KCNMB2: variants seen among roughly 807,000 people sequenced by gnomAD.
KCNMB2 encodes potassium calcium-activated channel subfamily M regulatory beta subunit 2, also known as calcium-activated potassium channel subunit beta-2.
In KCNMB2, 9 loss-of-function variants were observed where a neutral mutation model predicts 24.5. That is an observed-to-expected ratio of 0.37 (90% CI 0.22 to 0.64). KCNMB2 has a LOEUF of 0.64. KCNMB2 is among the 30% of genes least tolerant of loss of function. The probability of loss-of-function intolerance (pLI) is 0.63; values close to 1 mark genes in which losing one functional copy is unlikely to be tolerated. For missense variants in KCNMB2, 226 were observed against 284.3 expected, an observed-to-expected ratio of 0.79 and a Z score of 1.47; for synonymous variants, 109 against 104.4, an observed-to-expected ratio of 1.04 and a Z score of -0.27.
At chr3:178,834,701 A>G (rs1715162047) in intron 4 of KCNMB2, among the ~76,000 whole-genome samples, 1 of 152,172 alleles carries the variant, frequency 6.6e-6, no homozygotes, top group Admixed American at 6.5e-5. Context: ...GGCATTTGAC[A>G]TCCCATAATT....
At chr3:178,739,559 C>T (rs1270056534) in intron 1 of KCNMB2, among the ~76,000 whole-genome samples, 1 of 152,122 alleles carries the variant, frequency 6.6e-6, no homozygotes, top group Non-Finnish European at 1.5e-5. Flanking sequence ...GCAGATAGAA[C>T]TTAACAGGAT....
intron 3 of KCNMB2, among the ~76,000 whole-genome samples, chr3:178,826,594 C>T (rs567245181): frequency 6.6e-6 from 1 of 152,102 alleles, no homozygotes; most frequent in African/African-American, 2.4e-5. Context: ...TAAACACAGG[C>T]AAGCCCAGCC....
chr3:178,678,986 TTTGTTGTTGTTGTTGTCA>T (rs562634206), intron 1 of KCNMB2, among the ~76,000 whole-genome samples: 2,027 of 151,352 alleles, frequency 0.013, 35 homozygotes, highest in Non-Finnish European at 0.019. Flanking sequence ...CTATAATTGG[TTTGTTGTTGTTGTTGTCA>T]TTGTTGTTCA....
intron 1 of KCNMB2, among the ~76,000 whole-genome samples, chr3:178,659,777 T>G (rs901260269): frequency 6.6e-6 from 1 of 152,234 alleles, no homozygotes; most frequent in Non-Finnish European, 1.5e-5. Context: ...TGAGATAGTG[T>G]GTGTAGCACA....
chr3:178,551,290 T>C (rs183957158), intron 1 of KCNMB2, among the ~76,000 whole-genome samples: 5 of 152,340 alleles, frequency 3.3e-5, no homozygotes, highest in African/African-American at 1.2e-4. Flanking sequence ...TCTAAACTTA[T>C]CTCCTATTAT....
chr3:178,561,610 T>C (rs1470902863), intron 1 of KCNMB2, among the ~76,000 whole-genome samples: 1 of 152,204 alleles, frequency 6.6e-6, no homozygotes, highest in Non-Finnish European at 1.5e-5. Flanking sequence ...TAGTGCTGCA[T>C]TAGATTCCAA....
intron 1 of KCNMB2, among the ~76,000 whole-genome samples, chr3:178,569,262 C>T (rs1716680867): frequency 6.6e-6 from 1 of 152,134 alleles, no homozygotes; most frequent in African/African-American, 2.4e-5. Context: ...AAGAGGACTT[C>T]AAGTGAAGAG....
chr3:178,738,028 G>A (rs1374493658), intron 1 of KCNMB2, among the ~76,000 whole-genome samples: 1 of 152,082 alleles, frequency 6.6e-6, no homozygotes, highest in African/African-American at 2.4e-5. Context: ...AGAAGGTATT[G>A]GTGTTTCTGT....
In KCNMB2 at chr3:178,705,560, A is replaced by C. The variant is rs73047892; in HGVS notation, c.-67-101783A>C. Among the ~76,000 whole-genome samples, 263 of 152,280 alleles carry C rather than the reference A, an allele frequency of 1.7e-3. 1 individual carries two copies. The highest frequency in any genetic ancestry group is 6.0e-3 in the African/African-American group (251 of 41,564). The stretch of plus-strand genomic sequence containing the variant: ...ATTACAGAAATGTTGTTCAAATTAG[A>C]GCTTAATCACACAGGAAAGAATGCT... On this transcript the variant is annotated intron_variant, in intron 1 of 4. Coordinates refer to ENST00000452583, the MANE Select transcript of KCNMB2 (RefSeq NM_181361.3).
At chr3:178,617,905 A>C (rs1339134199) in intron 1 of KCNMB2, among the ~76,000 whole-genome samples, 4 of 151,686 alleles carry the variant, frequency 2.6e-5, no homozygotes, top group Non-Finnish European at 4.4e-5. Flanking sequence ...AAAAAAAAAA[A>C]AAAAAACCCA....
chr3:178,794,905 T>C (rs1375897131), intron 1 of KCNMB2, among the ~76,000 whole-genome samples: 4 of 152,148 alleles, frequency 2.6e-5, no homozygotes, highest in African/African-American at 9.7e-5. Flanking sequence ...ATCATACTCC[T>C]TTATGGCAAG....
chr3:178,801,292 T>C (rs964131620), intron 1 of KCNMB2, among the ~76,000 whole-genome samples: 7 of 152,166 alleles, frequency 4.6e-5, no homozygotes, highest in Admixed American at 4.6e-4. Flanking sequence ...ATAACTCATG[T>C]ACCCCATACT....
At chr3:178,833,287 G>A (rs1715110017) in intron 4 of KCNMB2, among the ~76,000 whole-genome samples, 3 of 152,094 alleles carry the variant, frequency 2.0e-5, no homozygotes, top group Admixed American at 2.0e-4. Context: ...AGCTCTGCAA[G>A]GCTGTCAAAA....
intron 1 of KCNMB2, among the ~76,000 whole-genome samples, chr3:178,539,059 C>T (rs762341430): frequency 3.3e-5 from 5 of 152,122 alleles, no homozygotes; most frequent in Admixed American, 2.6e-4. Flanking sequence ...ACACAGCCAT[C>T]GTATCAGTCA....
chr3:178,803,894 G>A (rs956197626), intron 1 of KCNMB2, among the ~76,000 whole-genome samples: 16 of 152,114 alleles, frequency 1.1e-4, no homozygotes, highest in Admixed American at 2.6e-4. Flanking sequence ...TTTCTGAGAC[G>A]GGGAAATTAT....
intron 1 of KCNMB2, among the ~76,000 whole-genome samples, chr3:178,553,177 T>C (rs754864901): frequency 5.3e-5 from 8 of 152,216 alleles, no homozygotes; most frequent in Non-Finnish European, 8.8e-5. Flanking sequence ...TTGCAGTTCA[T>C]CTAAAGTCAG....
chr3:178,775,551 G>A (rs550794201), intron 1 of KCNMB2, among the ~76,000 whole-genome samples: 2 of 152,084 alleles, frequency 1.3e-5, no homozygotes, highest in Admixed American at 6.6e-5. Flanking sequence ...TCTTAAAATA[G>A]GAGTTCTTTT....
chr3:178,682,628 T>C (rs1256350097), intron 1 of KCNMB2, among the ~76,000 whole-genome samples: 1 of 151,910 alleles, frequency 6.6e-6, no homozygotes, highest in Non-Finnish European at 1.5e-5. Flanking sequence ...ATTCAATATA[T>C]CTAAAATATT....
chr3:178,803,251 ATCTTT>A (rs1713841039), intron 1 of KCNMB2, among the ~76,000 whole-genome samples: 1 of 152,212 alleles, frequency 6.6e-6, no homozygotes, highest in South Asian at 2.1e-4. Context: ...GCTCTCACTT[ATCTTT>A]TCATCAGGCC....
Sources: allele counts gnomAD v4.1 joint callset (sites outside exome capture counted in the v4.1 genomes callset), GRCh38; gene constraint gnomAD v4.1.1; transcripts MANE v1.5; gene names NCBI Gene and HGNC (gene_info 2026-07-23, HGNC 2026-07-21).